Variants in ADAM12 observed in about 807,000 individuals in gnomAD.
The protein encoded by ADAM12 is disintegrin and metalloproteinase domain-containing protein 12.
In ADAM12, 70 loss-of-function variants were observed where a neutral mutation model predicts 106.4. That is an observed-to-expected ratio of 0.66 (90% CI 0.54 to 0.80). The LOEUF is 0.80. ADAM12 is among the 30% of genes least tolerant of loss of function. ADAM12 has a pLI of 0.00. For synonymous variants in ADAM12, 420 were observed against 433.5 expected, an observed-to-expected ratio of 0.97 and a Z score of 0.39; for missense variants, 1,010 against 1,171.9, an observed-to-expected ratio of 0.86 and a Z score of 2.02.
chr10:126,211,009 A>AGGGT (rs1193266132), intron 3 of ADAM12, among the ~76,000 whole-genome samples: 1 of 152,060 alleles, frequency 6.6e-6, no homozygotes, highest in Non-Finnish European at 1.5e-5. Context: ...GACTCCACCA[A>AGGGT]GGGTGGGGTC....
chr10:126,054,083 T>G (rs74158096), intron 14 of ADAM12, among the ~76,000 whole-genome samples: 4 of 152,138 alleles, frequency 2.6e-5, no homozygotes, highest in African/African-American at 9.7e-5. Context: ...TTTTTTCTTC[T>G]GTTATGTTAT....
chr10:126,275,378 T>C (rs1305747244), intron 3 of ADAM12, among the ~76,000 whole-genome samples: 4 of 152,294 alleles, frequency 2.6e-5, no homozygotes, highest in South Asian at 2.1e-4. Context: ...TCAGGGGCTA[T>C]ACAAATACAG....
rs533466101 is a variant in ADAM12 at position 126,327,345 on chromosome 10, T to A, written c.186+3067A>T. 5.9e-5 allele frequency among the ~76,000 whole-genome samples: 9 copies of A among 152,282 alleles called. No homozygotes were observed. In the South Asian group the frequency reaches 1.9e-3, roughly 32 times the overall value. ...GAAGAAAGCCAGAAAGGATGTGACT[T>A]GGAATTTGAGGCCCCCTTTCTTTAG... On this transcript the variant is annotated intron_variant, in intron 2 of 22. Coordinates refer to ENST00000448723, the MANE Select transcript of ADAM12 (RefSeq NM_001288973.2).
chr10:126,228,074 G>C (rs944836499), intron 3 of ADAM12, among the ~76,000 whole-genome samples: 8 of 152,194 alleles, frequency 5.3e-5, no homozygotes, highest in Non-Finnish European at 8.8e-5. Context: ...GACGGCCCCA[G>C]ACACTGCCAG....
At chr10:126,191,440 A>T (rs773702475) in intron 3 of ADAM12, among the ~76,000 whole-genome samples, 11 of 152,154 alleles carry the variant, frequency 7.2e-5, no homozygotes, top group Admixed American at 7.2e-4. Context: ...GCATGAGTCC[A>T]GATGAAAGGT....
chr10:126,328,576 C>T lies in ADAM12; in HGVS notation c.186+1836G>A, dbSNP rs575287221. On this transcript the variant is annotated intron_variant, in intron 2 of 22. Transcript: ENST00000448723. ...ATGCACCACTCCTCACACAAGCTTT[C>T]GGGGTTACCCACCAAATATGAGTAC... 8.5e-5 allele frequency among the ~76,000 whole-genome samples: 13 copies of T among 152,302 alleles called. No individual in the cohort carries two copies. In the East Asian group the frequency reaches 1.4e-3, roughly 16 times the overall value.
intron 3 of ADAM12, among the ~76,000 whole-genome samples, chr10:126,173,357 G>A (rs183220865): frequency 1.2e-4 from 18 of 152,278 alleles, no homozygotes; most frequent in Non-Finnish European, 1.5e-4. Flanking sequence ...CAAACGCGGC[G>A]AATCTTAACA....
intron 3 of ADAM12, among the ~76,000 whole-genome samples, chr10:126,220,668 C>T (rs1958073736): frequency 2.0e-5 from 3 of 152,184 alleles, no homozygotes; most frequent in African/African-American, 7.2e-5. Context: ...TAGTGTCCTC[C>T]CTTCTCTGTG....
intron 3 of ADAM12, among the ~76,000 whole-genome samples, chr10:126,222,648 C>T (rs1471693407): frequency 6.6e-6 from 1 of 151,928 alleles, no homozygotes; most frequent in African/African-American, 2.4e-5. Flanking sequence ...CTAAAGCTTC[C>T]ATTTGGGGCT....
At chr10:126,259,021 G>A (rs1029228072) in intron 3 of ADAM12, among the ~76,000 whole-genome samples, 12 of 152,144 alleles carry the variant, frequency 7.9e-5, no homozygotes, top group Non-Finnish European at 1.5e-4. Context: ...AAAAATAATG[G>A]TTGAATTTAT....
intron 18 of ADAM12, among the ~76,000 whole-genome samples, chr10:126,039,678 T>G (rs956765891): frequency 7.2e-5 from 11 of 152,060 alleles, no homozygotes; most frequent in African/African-American, 2.7e-4. Flanking sequence ...GTAGGTGGGG[T>G]GATGGTCTGG....
chr10:126,341,768 C>T (rs1854939567), intron 1 of ADAM12, among the ~76,000 whole-genome samples: 1 of 152,112 alleles, frequency 6.6e-6, no homozygotes, highest in African/African-American at 2.4e-5. Context: ...GAAGCTAAGC[C>T]CCAGCATGTA....
chr10:126,139,553 CA>C (rs1252624525), intron 4 of ADAM12, among the ~76,000 whole-genome samples: 1 of 151,762 alleles, frequency 6.6e-6, no homozygotes, highest in Admixed American at 6.6e-5. Flanking sequence ...ATCCTTCATA[CA>C]ACACTGAAGA....
At chr10:126,105,979 A>G (rs528692797) in intron 8 of ADAM12, among the ~76,000 whole-genome samples, 2 of 152,212 alleles carry the variant, frequency 1.3e-5, no homozygotes, top group Non-Finnish European at 2.9e-5. Context: ...AGAAAGTTCC[A>G]TGTAGCCATA....
intron 10 of ADAM12, among the ~76,000 whole-genome samples, chr10:126,097,061 C>T (rs1408184421): frequency 2.0e-5 from 3 of 152,168 alleles, no homozygotes; most frequent in Admixed American, 2.0e-4. Flanking sequence ...CAGCACCGCA[C>T]AGCAGCAGAA....
In ADAM12 at chr10:126,217,534, A is replaced by G. The variant is rs550399346; in HGVS notation, c.260+61381T>C. On this transcript the variant is annotated intron_variant, in intron 3 of 22. Coordinates refer to ENST00000448723, the MANE Select transcript of ADAM12 (RefSeq NM_001288973.2). ...AGGAATGCACCACCATGCCCAGCTA[A>G]TTTTGTATTTTTAGTAGAGACAGGG... is the stretch of plus-strand genomic sequence containing the variant. 4.6e-5 allele frequency among the ~76,000 whole-genome samples: 7 copies of G among 151,738 alleles called. No individual in the cohort carries two copies. In the East Asian group the frequency reaches 1.4e-3, roughly 30 times the overall value.
intron 1 of ADAM12, among the ~76,000 whole-genome samples, chr10:126,361,958 T>A (rs978241650): frequency 3.3e-5 from 5 of 152,030 alleles, no homozygotes; most frequent in Non-Finnish European, 2.9e-5. Context: ...CTAAAAAGCT[T>A]TCACACAATG....
In ADAM12 at chr10:126,204,133, G is replaced by A. The variant is rs1242250289; in HGVS notation, c.261-48828C>T. ...CCAGCCCCTGGTTCCTCATGGAGAA[G>A]CCACCTCCTACTTCAGAGGCTAGAA... On this transcript the variant is annotated intron_variant, in intron 3 of 22. Coordinates refer to ENST00000448723, the MANE Select transcript of ADAM12 (RefSeq NM_001288973.2). Among the ~76,000 whole-genome samples the A allele has an allele frequency of 2.6e-5, 4 of 152,192 alleles. No homozygotes were observed. In the East Asian group the frequency reaches 7.7e-4, roughly 29 times the overall value.
At chr10:126,076,267 T>G (rs1955099637) in intron 11 of ADAM12, among the ~76,000 whole-genome samples, 1 of 152,246 alleles carries the variant, frequency 6.6e-6, no homozygotes, top group Non-Finnish European at 1.5e-5. Context: ...TTTCGTTCTT[T>G]TGATGGCTGT....
Sources: gnomAD v4.1 joint callset for allele counts (sites outside exome capture counted in the v4.1 genomes callset) on GRCh38, gnomAD v4.1.1 for gene constraint, MANE v1.5 for transcripts, NCBI Gene and HGNC (gene_info 2026-07-23, HGNC 2026-07-21) for gene names.